The following UBE2E2 variants were observed in gnomAD, a reference collection of about 807,000 sequenced individuals.
UBE2E2 encodes ubiquitin conjugating enzyme E2 E2.
In UBE2E2, 6 loss-of-function variants were observed where a neutral mutation model predicts 24.7. That is an observed-to-expected ratio of 0.24 (90% CI 0.13 to 0.48). The LOEUF (loss-of-function observed/expected upper bound fraction) is 0.48, where lower values mean the gene tolerates loss of function less well. UBE2E2 is among the 20% of genes least tolerant of loss of function. The pLI, the probability that UBE2E2 is intolerant of heterozygous loss-of-function variation, is 0.99. For synonymous variants in UBE2E2, 104 were observed against 83.6 expected (o/e 1.24, Z -1.33); for missense variants, 169 against 245.0 (o/e 0.69, Z 2.07).
intron 3 of UBE2E2, among the ~76,000 whole-genome samples, chr3:23,352,321 G>A (rs567378980): frequency 6.6e-6 from 1 of 152,210 alleles, no homozygotes; most frequent in South Asian, 2.1e-4. Flanking sequence ...ACAATTAAAA[G>A]AGCTAGAAAA....
chr3:23,413,231 A>G (rs1242084312), intron 3 of UBE2E2, among the ~76,000 whole-genome samples: 1 of 152,174 alleles, frequency 6.6e-6, no homozygotes, highest in Non-Finnish European at 1.5e-5. Flanking sequence ...GAGAAAAAAA[A>G]GTTAATTTAA....
chr3:23,368,321 G>A (rs1696313225), intron 3 of UBE2E2, among the ~76,000 whole-genome samples: 1 of 152,138 alleles, frequency 6.6e-6, no homozygotes, highest in African/African-American at 2.4e-5. Context: ...GCCAGCTGCT[G>A]TACTAGGTAG....
intron 3 of UBE2E2, among the ~76,000 whole-genome samples, chr3:23,353,055 C>T (rs1201731460): frequency 6.6e-6 from 1 of 152,170 alleles, no homozygotes; most frequent in Non-Finnish European, 1.5e-5. Context: ...TGGGCTTCAT[C>T]CCTGGGATGC....
At chr3:23,472,417 C>G (rs980344255) in intron 3 of UBE2E2, among the ~76,000 whole-genome samples, 1 of 152,154 alleles carries the variant, frequency 6.6e-6, no homozygotes, top group African/African-American at 2.4e-5. Context: ...TGACTGAGTC[C>G]TGGCCACCGA....
chr3:23,408,181 G>A (rs1425663268), intron 3 of UBE2E2, among the ~76,000 whole-genome samples: 1 of 152,118 alleles, frequency 6.6e-6, no homozygotes, highest in Non-Finnish European at 1.5e-5. Context: ...AGGTTTTTTA[G>A]AAAAGAATAA....
chr3:23,471,985 G>A (rs1364524670), intron 3 of UBE2E2, among the ~76,000 whole-genome samples: 1 of 145,770 alleles, frequency 6.9e-6, no homozygotes, highest in East Asian at 2.0e-4. Context: ...GCCTTTATAA[G>A]ATAAAAGAAT....
intron 5 of UBE2E2, among the ~76,000 whole-genome samples, chr3:23,548,815 A>G (rs1471215643): frequency 2.6e-5 from 4 of 152,196 alleles, no homozygotes; most frequent in East Asian, 1.9e-4. Flanking sequence ...TATTATCTCT[A>G]TAACCATATG....
At chr3:23,303,394 C>G (rs576804911) in intron 3 of UBE2E2, among the ~76,000 whole-genome samples, 15 of 152,172 alleles carry the variant, frequency 9.9e-5, no homozygotes, top group Non-Finnish European at 1.9e-4. Flanking sequence ...GAAAAATTGT[C>G]TTCCCCTAAA....
chr3:23,546,544 G>C (rs898632843), intron 5 of UBE2E2, among the ~76,000 whole-genome samples: 3 of 132,054 alleles, frequency 2.3e-5, no homozygotes, highest in African/African-American at 8.8e-5. Context: ...TGCGATCTCA[G>C]CTCACCACAA....
At chr3:23,433,255 C>G (rs1035934385) in intron 3 of UBE2E2, among the ~76,000 whole-genome samples, 8 of 151,416 alleles carry the variant, frequency 5.3e-5, no homozygotes, top group Admixed American at 3.9e-4. Context: ...TTATTGTGCT[C>G]CTCTATAAAG....
intron 3 of UBE2E2, among the ~76,000 whole-genome samples, chr3:23,383,387 T>A (rs879676840): frequency 6.6e-5 from 10 of 152,132 alleles, no homozygotes; most frequent in Non-Finnish European, 1.0e-4. Flanking sequence ...AAATGATGAT[T>A]AAATTTAGAG....
In UBE2E2 at chr3:23,255,281, A is replaced by G. The variant is rs576282257; in HGVS notation, c.227+37969A>G. Among the ~76,000 whole-genome samples, 17 of 147,996 alleles carry G rather than the reference A, an allele frequency of 1.1e-4. No homozygotes were observed. In the South Asian group the frequency reaches 3.0e-3, roughly 26 times the overall value. Reference sequence around the variant, plus strand: ...GTAGTTTTTTTTTTTTTTGGTAACGATAGGGTTTTGCCATATTGCGCAGGC... The same window carrying G: ...GTAGTTTTTTTTTTTTTTGGTAACGGTAGGGTTTTGCCATATTGCGCAGGC... On this transcript the variant is annotated intron_variant, in intron 3 of 5. Transcript: ENST00000396703.
intron 3 of UBE2E2, among the ~76,000 whole-genome samples, chr3:23,413,487 C>T (rs1246155439): frequency 6.6e-6 from 1 of 152,100 alleles, no homozygotes; most frequent in Admixed American, 6.6e-5. Context: ...CCCTGCAGTG[C>T]CCCAGCCAGT....
rs1699677392 is a variant in UBE2E2, at chr3:23,499,654, T to C, written c.274T>C (p.Leu92=). ...DNIYEWRSTI[L]GPPGSVYEGG... ...CATTTATGAATGGAGGTCAACTATA[T>C]TGGGACCCCCAGGATCTGTCTATGA... The change falls in exon 4 of 6, where the codon TTG becomes CTG. Residue 92 remains leucine (L), a synonymous_variant. Transcript: ENST00000396703. 2 of 1,613,996 alleles carry C rather than the reference T, an allele frequency of 1.2e-6. No homozygotes were observed. The highest frequency in any genetic ancestry group is 8.5e-7 in the Non-Finnish European group (1 of 1,179,894).
intron 3 of UBE2E2, among the ~76,000 whole-genome samples, chr3:23,334,943 A>G (rs1695162678): frequency 6.6e-6 from 1 of 152,176 alleles, no homozygotes; most frequent in Non-Finnish European, 1.5e-5. Context: ...CTTTACATTT[A>G]TGATGCAATT....
At chr3:23,463,631 T>A (rs1698859383) in intron 3 of UBE2E2, among the ~76,000 whole-genome samples, 2 of 152,130 alleles carry the variant, frequency 1.3e-5, no homozygotes, top group African/African-American at 4.8e-5. Context: ...CTCATTAAGT[T>A]GTTCTCTCCC....
intron 3 of UBE2E2, among the ~76,000 whole-genome samples, chr3:23,364,507 C>T (rs1696205520): frequency 6.6e-6 from 1 of 151,958 alleles, no homozygotes; most frequent in African/African-American, 2.4e-5. Flanking sequence ...TCTATGCATG[C>T]AAACTAGAAA....
chr3:23,508,733 C>T (rs1441000984), intron 4 of UBE2E2, among the ~76,000 whole-genome samples: 9 of 152,114 alleles, frequency 5.9e-5, no homozygotes, highest in Non-Finnish European at 8.8e-5. Context: ...TGAATGTGAC[C>T]GCACTCTAAA....
intron 3 of UBE2E2, among the ~76,000 whole-genome samples, chr3:23,251,363 G>A (rs1697570189): frequency 6.6e-6 from 1 of 152,110 alleles, no homozygotes; most frequent in African/African-American, 2.4e-5. Flanking sequence ...TGTTATAATG[G>A]TCTAATTGTG....
Sources: allele counts gnomAD v4.1 joint callset (sites outside exome capture counted in the v4.1 genomes callset), GRCh38; gene constraint gnomAD v4.1.1; transcripts MANE v1.5; gene names NCBI Gene and HGNC (gene_info 2026-07-23, HGNC 2026-07-21).